Variants in CHCHD3 observed in about 807,000 individuals in gnomAD.
CHCHD3 encodes the protein MICOS complex subunit MIC19.
In CHCHD3, 20 loss-of-function variants were observed where a neutral mutation model predicts 38.2. That is an observed-to-expected ratio of 0.52 (90% CI 0.37 to 0.76). The LOEUF is 0.76. Ranked by LOEUF, CHCHD3 falls within the 30% of genes least tolerant of loss-of-function variation. The probability of loss-of-function intolerance (pLI) is 0.00; values close to 1 mark genes in which losing one functional copy is unlikely to be tolerated. For synonymous variants in CHCHD3, 82 were observed against 100.0 expected, an observed-to-expected ratio of 0.82 and a Z score of 1.07; for missense variants, 245 against 279.2, an observed-to-expected ratio of 0.88 and a Z score of 0.87.
chr7:132,947,670 C>T (rs1378730790), intron 4 of CHCHD3, among the ~76,000 whole-genome samples: 2 of 151,930 alleles, frequency 1.3e-5, no homozygotes, highest in Non-Finnish European at 2.9e-5. Flanking sequence ...GATGGCACTA[C>T]ATATAACATT....
At chr7:132,903,916 A>C (rs1809730749) in intron 4 of CHCHD3, among the ~76,000 whole-genome samples, 1 of 152,180 alleles carries the variant, frequency 6.6e-6, no homozygotes, top group African/African-American at 2.4e-5. Flanking sequence ...AAATCATCTT[A>C]ATGACAAACA....
intron 2 of CHCHD3, among the ~76,000 whole-genome samples, chr7:133,036,548 C>T (rs1813682014): frequency 6.6e-6 from 1 of 152,118 alleles, no homozygotes; most frequent in Non-Finnish European, 1.5e-5. Context: ...ATATCTGGTT[C>T]ATCTTAAATA....
intron 5 of CHCHD3, among the ~76,000 whole-genome samples, chr7:132,858,864 T>C (rs533296303): frequency 7.2e-4 from 109 of 152,320 alleles, no homozygotes; most frequent in Admixed American, 2.0e-3. Flanking sequence ...TTACATAGAT[T>C]GTCTCATGCA....
chr7:132,794,002 G>A (rs1378980908), intron 7 of CHCHD3, among the ~76,000 whole-genome samples: 1 of 152,190 alleles, frequency 6.6e-6, no homozygotes, highest in African/African-American at 2.4e-5. Context: ...TGGAAGGAAA[G>A]TAACTGCTCA....
At chr7:132,964,901 A>G (rs1691548164) in intron 4 of CHCHD3, among the ~76,000 whole-genome samples, 1 of 152,192 alleles carries the variant, frequency 6.6e-6, no homozygotes, top group African/African-American at 2.4e-5. Context: ...GGTAGTGCTA[A>G]TATTTCTCAC....
chr7:133,051,058 C>T (rs954293328), intron 2 of CHCHD3, among the ~76,000 whole-genome samples: 3 of 152,036 alleles, frequency 2.0e-5, no homozygotes, highest in Non-Finnish European at 4.4e-5. Context: ...ATCTTAAATG[C>T]AATAAAACAC....
chr7:132,967,934 T>C (rs942674484), intron 4 of CHCHD3, among the ~76,000 whole-genome samples: 6 of 152,082 alleles, frequency 3.9e-5, no homozygotes, highest in African/African-American at 1.4e-4. Flanking sequence ...GTTTTCAGGA[T>C]ACAAGCAAAC....
intron 7 of CHCHD3, among the ~76,000 whole-genome samples, chr7:132,787,349 C>A (rs1187848078): frequency 6.6e-6 from 1 of 151,586 alleles, no homozygotes; most frequent in Non-Finnish European, 1.5e-5. Flanking sequence ...GGCAGGAAGC[C>A]CAAGGAGGAG....
At chr7:132,827,727 A>G (rs947714421) in intron 6 of CHCHD3, among the ~76,000 whole-genome samples, 3 of 152,186 alleles carry the variant, frequency 2.0e-5, no homozygotes, top group Non-Finnish European at 2.9e-5. Flanking sequence ...TTCCCACCAC[A>G]GGCAAATGTT....
chr7:133,005,670 CA>C (rs1469844955), intron 3 of CHCHD3, among the ~76,000 whole-genome samples: 5 of 151,936 alleles, frequency 3.3e-5, no homozygotes, highest in Non-Finnish European at 7.4e-5. Context: ...AGTTATCCTT[CA>C]AAAAAATGAA....
intron 5 of CHCHD3, among the ~76,000 whole-genome samples, chr7:132,867,904 G>T (rs1808671218): frequency 6.6e-6 from 1 of 152,060 alleles, no homozygotes; most frequent in Non-Finnish European, 1.5e-5. Flanking sequence ...GTTCACAGTG[G>T]CAAGTTAGCA....
At chr7:132,853,252 A>C (rs1251839993) in intron 5 of CHCHD3, among the ~76,000 whole-genome samples, 2 of 152,184 alleles carry the variant, frequency 1.3e-5, no homozygotes, top group African/African-American at 4.8e-5. Context: ...AAGGCAAAGC[A>C]TCCTTAAGCT....
chr7:132,851,463 T>C (rs1562885314), intron 5 of CHCHD3, among the ~76,000 whole-genome samples: 1 of 152,216 alleles, frequency 6.6e-6, no homozygotes, highest in Non-Finnish European at 1.5e-5. Flanking sequence ...CAAATCCTTC[T>C]ATTATTGTAG....
At chr7:133,065,085 C>A (rs527263084) in intron 2 of CHCHD3, among the ~76,000 whole-genome samples, 42 of 152,096 alleles carry the variant, frequency 2.8e-4, no homozygotes, top group Non-Finnish European at 5.4e-4. Flanking sequence ...AATGACATCT[C>A]CTTATGTCAG....
At chr7:132,910,491 G>C (rs1280434226) in intron 4 of CHCHD3, among the ~76,000 whole-genome samples, 2 of 152,174 alleles carry the variant, frequency 1.3e-5, no homozygotes, top group African/African-American at 4.8e-5. Flanking sequence ...ATTTTTGACA[G>C]AGAATGGTGA....
intron 3 of CHCHD3, among the ~76,000 whole-genome samples, chr7:132,982,100 G>C (rs1811933840): frequency 6.6e-6 from 1 of 152,098 alleles, no homozygotes; most frequent in Non-Finnish European, 1.5e-5. Flanking sequence ...GTAATTCAAT[G>C]AAGTAATTAT....
chr7:132,891,894 T>G (rs1809371322), intron 4 of CHCHD3, among the ~76,000 whole-genome samples: 1 of 152,176 alleles, frequency 6.6e-6, no homozygotes, highest in Non-Finnish European at 1.5e-5. Context: ...TGGCTTGCCG[T>G]GTGAAGAAGG....
chr7:132,930,599 AT>A (rs1221083036), intron 4 of CHCHD3, among the ~76,000 whole-genome samples: 1 of 151,990 alleles, frequency 6.6e-6, no homozygotes, highest in Non-Finnish European at 1.5e-5. Flanking sequence ...TTTCTAACAT[AT>A]TTCGCCCTTT....
intron 6 of CHCHD3, among the ~76,000 whole-genome samples, chr7:132,800,751 C>T (rs1384377789): frequency 6.6e-6 from 1 of 151,684 alleles, no homozygotes; most frequent in Non-Finnish European, 1.5e-5. Flanking sequence ...GAGAGTTCTA[C>T]AGATACTATG....
Sources: allele counts gnomAD v4.1 joint callset (sites outside exome capture counted in the v4.1 genomes callset), GRCh38; gene constraint gnomAD v4.1.1; transcripts MANE v1.5; gene names NCBI Gene and HGNC (gene_info 2026-07-23, HGNC 2026-07-21).